The following GLP1R variants were observed in gnomAD, a reference collection of about 807,000 sequenced individuals.
The protein encoded by GLP1R is glucagon-like peptide 1 receptor.
Under a neutral mutation model 68.4 loss-of-function variants are expected in GLP1R, and 32 were observed. The ratio of observed to expected loss-of-function variants is 0.47; its 90% CI spans 0.35 to 0.63. The LOEUF (loss-of-function observed/expected upper bound fraction) is 0.63. Ranked by LOEUF, GLP1R falls within the 20% of genes least tolerant of loss-of-function variation. The pLI is 0.00. For missense variants in GLP1R, 502 were observed against 594.9 expected (o/e 0.84, Z 1.62); for synonymous variants, 263 against 244.4 (o/e 1.08, Z -0.71).
intron 7 of GLP1R, among the ~76,000 whole-genome samples, chr6:39,077,802 G>A (rs1768869786): frequency 6.6e-6 from 1 of 152,226 alleles, no homozygotes; most frequent in African/African-American, 2.4e-5. Flanking sequence ...CAAGGACTGG[G>A]CTCCTGTCTC....
intron 4 of GLP1R, 126 bp downstream of exon 4, chr6:39,065,955 G>A: frequency 1.5e-6 from 1 of 670,948 alleles, no homozygotes; most frequent in Non-Finnish European, 2.7e-6. Context: ...TTGCCTCTGG[G>A]GGCTTTGCAC....
chr6:39,064,572 A>G (rs998506546), intron 3 of GLP1R, among the ~76,000 whole-genome samples: 13 of 151,600 alleles, frequency 8.6e-5, no homozygotes, highest in Admixed American at 8.5e-4. Context: ...TCCCAAGTTC[A>G]TTGGCCCTGG....
At chr6:39,074,685 T>C (rs559020777) in intron 7 of GLP1R, among the ~76,000 whole-genome samples, 93 of 152,188 alleles carry the variant, frequency 6.1e-4, no homozygotes, top group African/African-American at 2.1e-3. Context: ...CCGGGGACTT[T>C]CCAGCTCAGT....
chr6:39,072,366 G>A (rs1285399751), intron 5 of GLP1R, among the ~76,000 whole-genome samples: 9 of 152,212 alleles, frequency 5.9e-5, no homozygotes, highest in African/African-American at 1.9e-4. Flanking sequence ...TAGGTAAATA[G>A]CCTTCATTAG....
intron 2 of GLP1R, among the ~76,000 whole-genome samples, chr6:39,057,067 A>G (rs1768231192): frequency 6.6e-6 from 1 of 152,246 alleles, no homozygotes; most frequent in South Asian, 2.1e-4. Flanking sequence ...AAAGAAGGTT[A>G]TCTTAAGTGA....
chr6:39,056,784 G>C lies in GLP1R; in HGVS notation c.175+291G>C, dbSNP rs567457015. 6.7e-4 allele frequency among the ~76,000 whole-genome samples: 102 copies of C among 152,274 alleles called. 2 individuals carry two copies. The South Asian group carries it at 0.021, about 31-fold the overall frequency. ...TTACTCGTTTGCTGTAGTCTGCTTTGGGGTTGCTGTCTTATTTCTGTCTTA... is the reference window on the plus strand; with the variant it reads ...TTACTCGTTTGCTGTAGTCTGCTTTCGGGTTGCTGTCTTATTTCTGTCTTA... On this transcript the variant is annotated intron_variant, in intron 2 of 12. Transcript: ENST00000373256.
chr6:39,061,644 C>T (rs1314986721), intron 3 of GLP1R, among the ~76,000 whole-genome samples: 1 of 152,164 alleles, frequency 6.6e-6, no homozygotes, highest in East Asian at 1.9e-4. Context: ...AGGAGTGCCC[C>T]TTCAAGAAAC....
Position 39,089,166 on chromosome 6 carries a change from C to T in GLP1R, c.*3093C>T, listed in dbSNP as rs1769218256. Among the ~76,000 whole-genome samples the T allele has an allele frequency of 6.6e-6, 1 of 152,200 alleles. No homozygotes were observed. The highest frequency in any genetic ancestry group is 2.4e-5 in the African/African-American group (1 of 41,442). ...CTTTCCTATTTTTACACTGGTACTT[C>T]ATTCATCCTTGTCTTAAACTTAAGA... On this transcript the variant is annotated 3_prime_UTR_variant, in exon 13 of 13. Transcript: ENST00000373256. This position sits in a 1 kb window ranked among gnomAD's most constrained non-coding sequence, Gnocchi z 4.1.
intron 12 of GLP1R, among the ~76,000 whole-genome samples, 184 bp from the exon 13 acceptor site, chr6:39,085,722 A>T (rs1012277302): frequency 3.9e-5 from 6 of 152,240 alleles, no homozygotes; most frequent in African/African-American, 1.4e-4. Flanking sequence ...GGAGCTGCAG[A>T]AAATAGGAGA....
intron 6 of GLP1R, 151 bp downstream of exon 6, chr6:39,073,166 G>T: frequency 1.4e-6 from 1 of 691,366 alleles, no homozygotes; most frequent in East Asian, 2.7e-5. Flanking sequence ...GAGGCAGTTC[G>T]CCTTGGGACC....
chr6:39,065,066 G>A (rs1768467229), intron 3 of GLP1R, among the ~76,000 whole-genome samples: 1 of 152,218 alleles, frequency 6.6e-6, no homozygotes, highest in Non-Finnish European at 1.5e-5. Flanking sequence ...CCAAGAGGCC[G>A]TGTACTCCTT....
In GLP1R at chr6:39,049,901, G is replaced by A. The variant is rs530416138; in HGVS notation, c.78+983G>A. Among the ~76,000 whole-genome samples the A allele has an allele frequency of 4.5e-4, 68 of 152,262 alleles. No homozygotes were observed. The highest frequency in any genetic ancestry group is 9.0e-4 in the Non-Finnish European group (61 of 68,008). The stretch of plus-strand genomic sequence containing the variant: ...GTGGCCTGTCCTGGGTCAGGAAACA[G>A]GTTCTTCCTATCACCTCCCACTGCT... On this transcript the variant is annotated intron_variant, in intron 1 of 12. Coordinates refer to ENST00000373256, the MANE Select transcript of GLP1R (RefSeq NM_002062.5). This position sits in a 1 kb window ranked among gnomAD's most constrained non-coding sequence, Gnocchi z 4.5.
chr6:39,068,932 T>C (rs150912862), intron 5 of GLP1R, among the ~76,000 whole-genome samples: 77 of 152,366 alleles, frequency 5.1e-4, no homozygotes, highest in Non-Finnish European at 1.5e-5. Flanking sequence ...CTTGGTATTG[T>C]CTCCTGAACA....
At chr6:39,051,397 T>C (rs1003104562) in intron 1 of GLP1R, among the ~76,000 whole-genome samples, 1 of 152,100 alleles carries the variant, frequency 6.6e-6, no homozygotes, top group African/African-American at 2.4e-5. Context: ...CAGGATAGTA[T>C]GAGAGAGGGG....
rs1769141722 is a variant in GLP1R at position 39,086,184 on chromosome 6, C to T, written c.*111C>T. Reference sequence around the variant, plus strand: ...AGGAAGGGACACACACACACACACACACACACACACACACACACACATACA... The same window carrying T: ...AGGAAGGGACACACACACACACACATACACACACACACACACACACATACA... On this transcript the variant is annotated 3_prime_UTR_variant, in exon 13 of 13. Transcript: ENST00000373256. The surrounding 1 kb of genome is among the most constrained non-coding windows in gnomAD (Gnocchi z 4.5). The T allele has an allele frequency of 1.4e-6, 1 of 706,296 alleles. No homozygotes were observed. Among genetic ancestry groups the T allele is most frequent in the Non-Finnish European group, 2.3e-6 (1 of 426,534 alleles). 43.8% of individuals were successfully genotyped at this position (706,296 alleles called of 1,614,324 possible). A position where few individuals can be genotyped will look rare whatever the true frequency, so the allele number is the denominator to read the frequency against.
At chr6:39,069,485 T>C (rs1768600017) in intron 5 of GLP1R, among the ~76,000 whole-genome samples, 1 of 151,946 alleles carries the variant, frequency 6.6e-6, no homozygotes, top group Non-Finnish European at 1.5e-5. Flanking sequence ...TACAAAAAAT[T>C]AGCTGGGTGC....
At chr6:39,064,870 T>C (rs1184780068) in intron 3 of GLP1R, among the ~76,000 whole-genome samples, 1 of 152,188 alleles carries the variant, frequency 6.6e-6, no homozygotes, top group African/African-American at 2.4e-5. Context: ...GAGTCTTGAT[T>C]CTCTGAAGAC....
intron 3 of GLP1R, among the ~76,000 whole-genome samples, chr6:39,058,569 G>C (rs1768275950): frequency 6.6e-6 from 1 of 152,156 alleles, no homozygotes; most frequent in African/African-American, 2.4e-5. Flanking sequence ...AGGCACCGTG[G>C]AGGATAACAG....
intron 5 of GLP1R, among the ~76,000 whole-genome samples, chr6:39,068,674 T>C (rs572245338): frequency 6.6e-6 from 1 of 152,306 alleles, no homozygotes; most frequent in East Asian, 1.9e-4. Context: ...GCCTGAGTTA[T>C]ACCTGGGCCC....
Sources: allele counts gnomAD v4.1 joint callset (sites outside exome capture counted in the v4.1 genomes callset), GRCh38; gene constraint gnomAD v4.1.1; non-coding constraint Gnocchi (gnomAD v3.1); transcripts MANE v1.5; gene names NCBI Gene and HGNC (gene_info 2026-07-23, HGNC 2026-07-21).